Variants in KCND3 observed in about 807,000 individuals in gnomAD.
The protein encoded by KCND3 is potassium voltage-gated channel subfamily D member 3.
A neutral mutation model predicts 51.1 loss-of-function variants in KCND3; 9 were observed. The observed-to-expected ratio is 0.18, with a 90% CI of 0.11 to 0.31. The LOEUF is 0.31. Ranked by LOEUF, KCND3 falls within the 10% of genes least tolerant of loss-of-function variation. KCND3 has a pLI of 1.00. For missense variants in KCND3, 526 were observed against 903.8 expected, an observed-to-expected ratio of 0.58 and a Z score of 5.36; for synonymous variants, 349 against 368.0, an observed-to-expected ratio of 0.95 and a Z score of 0.59.
chr1:111,831,187 A>C (rs945410371), intron 2 of KCND3, among the ~76,000 whole-genome samples: 15 of 151,582 alleles, frequency 9.9e-5, no homozygotes, highest in Admixed American at 5.9e-4. Context: ...CAGGCTCAAA[A>C]CTCTTGTCCT....
intron 2 of KCND3, among the ~76,000 whole-genome samples, chr1:111,941,942 G>A (rs1187652370): frequency 1.3e-5 from 2 of 152,208 alleles, no homozygotes; most frequent in Admixed American, 1.3e-4. Flanking sequence ...GCCTTGAGCT[G>A]CTGCCAATAA....
At chr1:111,796,052 C>T (rs553485296) in intron 2 of KCND3, among the ~76,000 whole-genome samples, 2 of 152,206 alleles carry the variant, frequency 1.3e-5, no homozygotes, top group East Asian at 3.9e-4. Context: ...TGCTTGTTGA[C>T]TTGTTTAAGT....
At chr1:111,846,592 C>A (rs1294461766) in intron 2 of KCND3, among the ~76,000 whole-genome samples, 1 of 152,180 alleles carries the variant, frequency 6.6e-6, no homozygotes, top group African/African-American at 2.4e-5. Context: ...AGTCACTTGG[C>A]CTCTTCATGC....
chr1:111,905,746 C>A (rs769419638), intron 2 of KCND3, among the ~76,000 whole-genome samples: 1 of 152,196 alleles, frequency 6.6e-6, no homozygotes. Flanking sequence ...CCCAGCAGGG[C>A]ATCAGAATCA....
intron 2 of KCND3, among the ~76,000 whole-genome samples, chr1:111,835,090 G>A (rs1457182919): frequency 6.6e-6 from 1 of 152,224 alleles, no homozygotes. Context: ...ATCCTCCAAA[G>A]CAACCTACAG....
intron 2 of KCND3, among the ~76,000 whole-genome samples, chr1:111,902,722 C>G (rs905482042): frequency 6.6e-6 from 1 of 152,212 alleles, no homozygotes; most frequent in Non-Finnish European, 1.5e-5. Flanking sequence ...TTTGTTTTCT[C>G]ATCTGCAAAA....
chr1:111,854,950 C>G (rs1017754663), intron 2 of KCND3, among the ~76,000 whole-genome samples: 1 of 152,200 alleles, frequency 6.6e-6, no homozygotes, highest in African/African-American at 2.4e-5. Flanking sequence ...ACTCACATTT[C>G]CTGGGGACCT....
chr1:111,792,940 T>C (rs980291737), intron 2 of KCND3, among the ~76,000 whole-genome samples: 11 of 148,598 alleles, frequency 7.4e-5, no homozygotes, highest in African/African-American at 2.4e-4. Context: ...TATTATTTTA[T>C]ATATAAAATA....
chr1:111,919,576 A>G (rs1671383191), intron 2 of KCND3, among the ~76,000 whole-genome samples: 1 of 152,142 alleles, frequency 6.6e-6, no homozygotes, highest in African/African-American at 2.4e-5. Context: ...GTCTCATCGG[A>G]TAAGGTCTGG....
At chr1:111,796,707 C>A (rs1665072289) in intron 2 of KCND3, among the ~76,000 whole-genome samples, 1 of 152,148 alleles carries the variant, frequency 6.6e-6, no homozygotes, top group African/African-American at 2.4e-5. Flanking sequence ...GTTTACAAAC[C>A]TGCACTTGTA....
intron 2 of KCND3, among the ~76,000 whole-genome samples, chr1:111,939,130 G>T (rs780867897): frequency 3.3e-5 from 5 of 152,250 alleles, no homozygotes; most frequent in Non-Finnish European, 7.3e-5. Flanking sequence ...TGTGGTAGAC[G>T]CATTAACATT....
chr1:111,818,894 G>T (rs114238413), intron 2 of KCND3, among the ~76,000 whole-genome samples: 3 of 152,234 alleles, frequency 2.0e-5, no homozygotes, highest in Non-Finnish European at 1.5e-5. Context: ...CTTTTGTCCC[G>T]CAAAGAAGAG....
chr1:111,785,043 C>T, intron 3 of KCND3, among the ~76,000 whole-genome samples: 1 of 152,076 alleles, frequency 6.6e-6, no homozygotes, highest in Non-Finnish European at 1.5e-5. Flanking sequence ...AGTGAGACCC[C>T]ATCTCTAAAA....
At chr1:111,911,127 T>A (rs921164993) in intron 2 of KCND3, among the ~76,000 whole-genome samples, 1 of 152,210 alleles carries the variant, frequency 6.6e-6, no homozygotes, top group Non-Finnish European at 1.5e-5. Context: ...CTGACTAAGA[T>A]GGGTTCCTAC....
At chr1:111,967,137 T>C (rs1302351609) in intron 2 of KCND3, among the ~76,000 whole-genome samples, 1 of 131,462 alleles carries the variant, frequency 7.6e-6, no homozygotes, top group Non-Finnish European at 1.6e-5. Context: ...TGAGATTCCG[T>C]CTCAAAAAAA....
At chr1:111,892,863 T>A (rs1669894549) in intron 2 of KCND3, among the ~76,000 whole-genome samples, 1 of 152,138 alleles carries the variant, frequency 6.6e-6, no homozygotes, top group Non-Finnish European at 1.5e-5. Flanking sequence ...AAAACCACAT[T>A]CCCGGGAGGT....
chr1:111,787,067 G>A lies in KCND3; in HGVS notation c.1146C>T (p.Ile382=), dbSNP rs185723423. The change falls in exon 3 of 8, where the codon ATC becomes ATT. Residue 382 remains isoleucine (I), a synonymous_variant. Coordinates refer to ENST00000302127, the MANE Select transcript of KCND3 (RefSeq NM_001378969.1). ...CACTCAAGGAGCAGATGGAGCCGAA[G>A]ATCTTCCCTGCAATCGTCTTAGGCA... ...DMVPKTIAGK[I]FGSICSLSGV... is the part of the protein sequence containing the mutation. 1.2e-6 allele frequency: 2 copies of A among 1,614,208 alleles called. No individual in the cohort carries two copies. The highest frequency in any genetic ancestry group is 4.5e-5 in the East Asian group (2 of 44,884).
At chr1:111,930,748 A>G (rs1671929310) in intron 2 of KCND3, among the ~76,000 whole-genome samples, 1 of 152,090 alleles carries the variant, frequency 6.6e-6, no homozygotes, top group African/African-American at 2.4e-5. Flanking sequence ...TCTGAGTCTC[A>G]GTTTCTCCTC....
rs978360186 is a variant in KCND3, at chr1:111,982,634, C to T, written c.93G>A (p.Pro31=). 4 of 1,613,762 alleles carry T rather than the reference C, an allele frequency of 2.5e-6. No homozygotes were observed. Among genetic ancestry groups the T allele is most frequent in the Non-Finnish European group, 3.4e-6 (4 of 1,179,900 alleles). The change falls in exon 2 of 8, where the codon CCG becomes CCA. Residue 31 remains proline, a synonymous_variant. Transcript: ENST00000302127. This position sits in a 1 kb window ranked among gnomAD's most constrained non-coding sequence, Gnocchi z 8.5. ...CATCCTGCCGCTTGTTCTTGTCGGC[C>T]GGGGCCAGGGGCATGGGGCAGTTGG... ...PVANCPMPLA[P]ADKNKRQDEL...
Sources: gnomAD v4.1 joint callset for allele counts (sites outside exome capture counted in the v4.1 genomes callset) on GRCh38, gnomAD v4.1.1 for gene constraint, Gnocchi (gnomAD v3.1) non-coding constraint, MANE v1.5 for transcripts, NCBI Gene and HGNC (gene_info 2026-07-23, HGNC 2026-07-21) for gene names.